The following HUWE1 variants were observed in gnomAD, a reference collection of about 807,000 sequenced individuals.
The protein encoded by HUWE1 is HECT, UBA and WWE domain containing E3 ubiquitin protein ligase 1.
A neutral mutation model predicts 299.4 loss-of-function variants in HUWE1; 18 were observed. The ratio of observed to expected loss-of-function variants is 0.06; its 90% CI spans 0.04 to 0.09. HUWE1 has a LOEUF of 0.09. HUWE1 is among the 10% of genes least tolerant of loss of function. The probability of loss-of-function intolerance (pLI) is 1.00; values close to 1 mark genes in which losing one functional copy is unlikely to be tolerated. For synonymous variants in HUWE1, 1,317 were observed against 1,286.1 expected, an observed-to-expected ratio of 1.02 and a Z score of -0.51; for missense variants, 1,832 against 3,462.3, an observed-to-expected ratio of 0.53 and a Z score of 11.82.
chrX:53,544,960 A>C, intron 71 of HUWE1, 69 bp downstream of exon 71: 1 of 1,126,720 alleles, frequency 8.9e-7, no homozygotes, highest in East Asian at 3.0e-5. Context: ...AAGACCAGGA[A>C]ACCAGCAAGA....
At chrX:53,544,043 T>G in intron 72 of HUWE1, 75 bp from the exon 73 acceptor site, 1 of 948,058 alleles carries the variant, frequency 1.1e-6, no homozygotes, top group Non-Finnish European at 1.5e-6. Flanking sequence ...CTCTCCTATC[T>G]CCTGGGCTGC....
chrX:53,561,912 C>T lies in HUWE1; in HGVS notation c.7351G>A (p.Gly2451Ser), dbSNP rs782561835. 1 of 1,211,334 alleles carries T rather than the reference C, an allele frequency of 8.3e-7. No homozygotes were observed. Among genetic ancestry groups the T allele is most frequent in the Non-Finnish European group, 1.1e-6 (1 of 895,216 alleles). The change falls in exon 55 of 84, where the codon GGT becomes AGT. Residue 2451 changes from glycine to serine, a missense_variant. Around this residue, in one of 15 missense-constraint regions of HUWE1, gnomAD observed 170 missense variants for 335.8 expected, o/e 0.51. Transcript: ENST00000262854. ...DEEDDQEDDE[G>S]EEGDEDDDDD... The stretch of plus-strand genomic sequence containing the variant: ...TCATCGTCTTCATCTCCCTCTTCAC[C>T]TTCATCATCCTCCTTAAGGGAAAAT...
At chrX:53,664,108 C>T (rs1472035696) in intron 3 of HUWE1, among the ~76,000 whole-genome samples, 5 of 110,907 alleles carry the variant, frequency 4.5e-5, no homozygotes, top group South Asian at 3.8e-4. Context: ...TGGAGTGCAG[C>T]GGCATGATCT....
chrX:53,634,430 T>G (rs1181442635), intron 7 of HUWE1, 132 bp from the exon 8 acceptor site: 13 of 509,831 alleles, frequency 2.5e-5, no homozygotes, highest in Middle Eastern at 4.0e-4. Flanking sequence ...TATATATATT[T>G]AAGAGTGTGT....
chrX:53,605,818 C>T (rs782505084), intron 25 of HUWE1, among the ~76,000 whole-genome samples: 27 of 111,342 alleles, frequency 2.4e-4, no homozygotes, highest in African/African-American at 2.0e-4. Flanking sequence ...TAAAGACAGA[C>T]GTAAAGACCA....
chrX:53,617,005 G>A lies in HUWE1; in HGVS notation c.1922C>T (p.Pro641Leu). Residue 641 changes from proline (P) to leucine (L), a missense_variant, in exon 21 of 84, where the codon CCA becomes CTA. Pro to Leu is a moderately conservative substitution (Grantham distance 98, BLOSUM62 -3). Coordinates refer to ENST00000262854, the MANE Select transcript of HUWE1 (RefSeq NM_031407.7). ...FKVLLSPDYLPAMRRRRSSDP... is the reference protein window; with the variant it reads ...FKVLLSPDYLLAMRRRRSSDP... Reference sequence around the variant, plus strand: ...AGAACTTCTCCTCCTCCGCATGGCTGGGAGGTAATCTGGAGACAGAAGAAC... The same window carrying A: ...AGAACTTCTCCTCCTCCGCATGGCTAGGAGGTAATCTGGAGACAGAAGAAC... 2 of 1,210,752 alleles carry A rather than the reference G, an allele frequency of 1.7e-6. No individual in the cohort carries two copies. The highest frequency in any genetic ancestry group is 2.2e-6 in the Non-Finnish European group (2 of 894,643).
At chrX:53,637,340 C>T (rs1882288173) in intron 7 of HUWE1, among the ~76,000 whole-genome samples, 1 of 112,206 alleles carries the variant, frequency 8.9e-6, no homozygotes, top group African/African-American at 3.2e-5. Flanking sequence ...ATTTTCTTGG[C>T]TCTTCCCAGG....
chrX:53,657,504 C>T (rs1459679639), intron 3 of HUWE1, among the ~76,000 whole-genome samples: 15 of 110,821 alleles, frequency 1.4e-4, no homozygotes, highest in African/African-American at 4.6e-4. Context: ...CCAGCCTGGG[C>T]GACAGAGTGA....
intron 47 of HUWE1, among the ~76,000 whole-genome samples, chrX:53,571,756 T>C (rs898459134): frequency 1.8e-5 from 2 of 111,196 alleles, no homozygotes; most frequent in African/African-American, 6.6e-5. Flanking sequence ...AACAGGGAAA[T>C]GTAAATTTTA....
At chrX:53,669,932 T>C (rs2069435333) in intron 3 of HUWE1, among the ~76,000 whole-genome samples, 1 of 112,367 alleles carries the variant, frequency 8.9e-6, no homozygotes, top group African/African-American at 3.2e-5. Context: ...TCAATCTTTT[T>C]AAAAATAGCA....
chrX:53,608,573 A>G (rs1329198813), intron 24 of HUWE1, among the ~76,000 whole-genome samples: 1 of 111,699 alleles, frequency 9.0e-6, no homozygotes, highest in Non-Finnish European at 1.9e-5. Flanking sequence ...AGCCTGTACT[A>G]GACTGGCAAA....
At chrX:53,640,992 T>G (rs1353644701) in intron 7 of HUWE1, among the ~76,000 whole-genome samples, 2 of 111,737 alleles carry the variant, frequency 1.8e-5, no homozygotes, top group Non-Finnish European at 3.8e-5. Flanking sequence ...AATAACCAAA[T>G]TAACATGATC....
intron 21 of HUWE1, 151 bp from the exon 22 acceptor site, chrX:53,615,986 G>A: frequency 2.1e-6 from 1 of 473,490 alleles, no homozygotes; most frequent in Non-Finnish European, 3.7e-6. Flanking sequence ...CCAGACTGGA[G>A]TGCAGTGTCA....
At chrX:53,560,135 A>G in intron 56 of HUWE1, 53 bp downstream of exon 56, 2 of 1,002,835 alleles carry the variant, frequency 2.0e-6, no homozygotes, top group Non-Finnish European at 2.8e-6. Flanking sequence ...GCTAAAGCAC[A>G]GTGAAAATTC....
At chrX:53,559,171 G>A in intron 57 of HUWE1, 111 bp from the exon 58 acceptor site, 1 of 766,825 alleles carries the variant, frequency 1.3e-6, no homozygotes, top group Non-Finnish European at 2.0e-6. Context: ...CTATCACAAT[G>A]TTTAGAACAT....
intron 47 of HUWE1, 147 bp downstream of exon 47, chrX:53,573,603 C>G (rs782339004): frequency 5.8e-6 from 3 of 519,814 alleles, no homozygotes; most frequent in Non-Finnish European, 1.0e-5. Flanking sequence ...CCACCGCACC[C>G]GGCCTTGCAT....
At chrX:53,600,065 C>T in intron 29 of HUWE1, 53 bp downstream of exon 29, 1 of 1,081,582 alleles carries the variant, frequency 9.2e-7, no homozygotes, top group East Asian at 3.0e-5. Flanking sequence ...CAATCTGTTT[C>T]AAGACTAAGG....
At chrX:53,626,552 G>C (rs1306096969) in intron 17 of HUWE1, among the ~76,000 whole-genome samples, 2 of 111,370 alleles carry the variant, frequency 1.8e-5, no homozygotes, top group Non-Finnish European at 3.8e-5. Context: ...ACATCAACAT[G>C]TATTTGAATA....
In HUWE1 at chrX:53,533,117, C is replaced by T. The variant is rs2060841630; in HGVS notation, c.*192G>A. ...GGAAAGGGGAGAGAAGGTGAGGAAA[C>T]AGGCGGCGGGGAGAGAATGAGAAGA... On this transcript the variant is annotated 3_prime_UTR_variant, in exon 84 of 84. Coordinates refer to ENST00000262854, the MANE Select transcript of HUWE1 (RefSeq NM_031407.7). The T allele has an allele frequency of 2.3e-6, 1 of 438,904 alleles. No individual in the cohort carries two copies. Among genetic ancestry groups the T allele is most frequent in the Non-Finnish European group, 4.1e-6 (1 of 246,587 alleles). 36.2% of individuals were successfully genotyped at this position (438,904 alleles called of 1,213,427 possible).
Sources: gnomAD v4.1 joint callset for allele counts (sites outside exome capture counted in the v4.1 genomes callset) on GRCh38, gnomAD v4.1.1 for gene constraint, gnomAD v4.1.1 regional missense constraint, MANE v1.5 for transcripts, NCBI Gene and HGNC (gene_info 2026-07-23, HGNC 2026-07-21) for gene names.